The following MESD variants were observed in gnomAD, a reference collection of about 807,000 sequenced individuals.
MESD encodes LRP chaperone MESD.
In MESD, 7 loss-of-function variants were observed where a neutral mutation model predicts 12.9. That is an observed-to-expected ratio of 0.54 (90% confidence interval 0.31 to 1.02). The LOEUF (loss-of-function observed/expected upper bound fraction) is 1.02, where lower values mean the gene tolerates loss of function less well. Ranked by LOEUF, MESD falls within the 50% of genes least tolerant of loss-of-function variation. The probability of loss-of-function intolerance (pLI) is 0.05; values close to 1 mark genes in which losing one functional copy is unlikely to be tolerated. For synonymous variants in MESD, 126 were observed against 115.6 expected (o/e 1.09, Z -0.58); for missense variants, 342 against 296.7 (o/e 1.15, Z -1.12).
At chr15:80,971,111 T>C (rs1319054157), downstream of MESD, among the ~76,000 whole-genome samples, 4 of 152,166 alleles carry the variant, frequency 2.6e-5, no homozygotes, top group Non-Finnish European at 5.9e-5. Context: ...CACTGGAGGC[T>C]GGTCAAGAAG....
chr15:80,956,998 A>T (rs114825574), intron 3 of MESD, among the ~76,000 whole-genome samples: 20,085 of 150,648 alleles, frequency 0.13, 1,338 homozygotes, highest in Middle Eastern at 0.19. Flanking sequence ...TTATTTATTT[A>T]TTTTTTTGTA....
intron 3 of MESD, among the ~76,000 whole-genome samples, chr15:80,958,631 C>A (rs1001859837): frequency 6.6e-6 from 1 of 151,758 alleles, no homozygotes; most frequent in Non-Finnish European, 1.5e-5. Context: ...CCGTGCCTGG[C>A]CTTAGGCATT....
chr15:80,970,934 T>C (rs1487134783), downstream of MESD, among the ~76,000 whole-genome samples: 1 of 152,132 alleles, frequency 6.6e-6, no homozygotes, highest in African/African-American at 2.4e-5. Context: ...AGATATCACC[T>C]GGGGGCGGGG....
At chr15:80,952,614 T>C (rs913607843) in intron 3 of MESD, among the ~76,000 whole-genome samples, 1 of 149,186 alleles carries the variant, frequency 6.7e-6, no homozygotes, top group Non-Finnish European at 1.5e-5. Flanking sequence ...AACAACTATG[T>C]CTCGTGTGTG....
exon 5 of MESD, chr15:80,948,037 A>G (rs1354566701): frequency 6.5e-6 from 1 of 152,878 alleles, no homozygotes; most frequent in Non-Finnish European, 1.5e-5. Flanking sequence ...GGACATAAGG[A>G]AAAGAGAAGT....
chr15:80,946,780 C>T (rs1031479979), downstream of MESD: 2 of 626,904 alleles, frequency 3.2e-6, no homozygotes, highest in African/African-American at 1.8e-5. Context: ...TCAGGATGTT[C>T]GTCACCACAT....
intron 1 of MESD, among the ~76,000 whole-genome samples, chr15:80,988,443 T>C (rs1327587605): frequency 6.6e-6 from 1 of 152,222 alleles, no homozygotes; most frequent in African/African-American, 2.4e-5. Flanking sequence ...CATGAGGTGA[T>C]GTTCTCACTC....
downstream of MESD, among the ~76,000 whole-genome samples, chr15:80,970,984 T>C (rs1011499925): frequency 2.0e-5 from 3 of 152,172 alleles, no homozygotes; most frequent in African/African-American, 7.2e-5. Flanking sequence ...AGTGATTAGA[T>C]ATCAAGGGTA....
intron 3 of MESD, among the ~76,000 whole-genome samples, chr15:80,969,144 C>T (rs1202634492): frequency 6.6e-6 from 1 of 152,028 alleles, no homozygotes; most frequent in African/African-American, 2.4e-5. Context: ...GAGCTGCCAT[C>T]GTGCCAGTGC....
chr15:80,960,326 A>T (rs949732674), intron 3 of MESD, among the ~76,000 whole-genome samples: 1 of 151,014 alleles, frequency 6.6e-6, no homozygotes, highest in Non-Finnish European at 1.5e-5. Context: ...TGATTACACC[A>T]CTGTAATCCA....
intron 4 of MESD, chr15:80,951,539 G>A (rs2141778227): frequency 6.5e-6 from 1 of 152,718 alleles, no homozygotes; most frequent in African/African-American, 2.4e-5. Flanking sequence ...TGTATAGAGT[G>A]TTTGTATGTA....
chr15:80,954,880 A>C (rs1901935069), intron 3 of MESD, among the ~76,000 whole-genome samples: 1 of 152,158 alleles, frequency 6.6e-6, no homozygotes, highest in Non-Finnish European at 1.5e-5. Context: ...GTTAAGTGTT[A>C]GTGTATTTTA....
intron 3 of MESD, among the ~76,000 whole-genome samples, chr15:80,955,502 AAAAG>A (rs1901957232): frequency 1.4e-5 from 2 of 143,348 alleles, no homozygotes; most frequent in Non-Finnish European, 3.0e-5. Context: ...AAAAAAAAAA[AAAAG>A]AAATGCCCAA....
At chr15:80,975,393 A>G (rs146482098), downstream of MESD, among the ~76,000 whole-genome samples, 1 of 152,110 alleles carries the variant, frequency 6.6e-6, no homozygotes, top group African/African-American at 2.4e-5. Context: ...TCTCTTAAAA[A>G]ACAAACAAAC....
At chr15:80,985,428 T>C (rs1902703010) in intron 1 of MESD, among the ~76,000 whole-genome samples, 1 of 152,158 alleles carries the variant, frequency 6.6e-6, no homozygotes. Context: ...CCACAATCAC[T>C]GCATGGAAAT....
At chr15:80,966,062 G>T (rs758587733) in intron 3 of MESD, among the ~76,000 whole-genome samples, 20 of 152,318 alleles carry the variant, frequency 1.3e-4, no homozygotes, top group Non-Finnish European at 2.9e-4. Flanking sequence ...TTAGAACTGG[G>T]TGACAAGGAA....
intron 3 of MESD, among the ~76,000 whole-genome samples, chr15:80,956,476 C>A (rs900808505): frequency 6.6e-6 from 1 of 152,124 alleles, no homozygotes; most frequent in Non-Finnish European, 1.5e-5. Context: ...CTCGGACACA[C>A]AAAGGCTTAG....
chr15:80,988,427 AT>A (rs1353801243), intron 1 of MESD, among the ~76,000 whole-genome samples: 1 of 152,076 alleles, frequency 6.6e-6, no homozygotes, highest in Non-Finnish European at 1.5e-5. Flanking sequence ...CAAGGGGAGG[AT>A]TTCTCATGAG....
downstream of MESD, chr15:80,946,909 C>A: frequency 1.7e-6 from 2 of 1,205,662 alleles, no homozygotes; most frequent in Non-Finnish European, 2.5e-6. Context: ...CCTCCCCATG[C>A]CCACTTTCTC....
Sources: allele counts gnomAD v4.1 joint callset (sites outside exome capture counted in the v4.1 genomes callset), GRCh38; gene constraint gnomAD v4.1.1; transcripts MANE v1.5; gene names NCBI Gene and HGNC (gene_info 2026-07-23, HGNC 2026-07-21).